Variants in NRG3 observed in about 807,000 individuals in gnomAD.
NRG3 encodes the protein neuregulin 3, also known as pro-neuregulin-3, membrane-bound isoform.
In NRG3, 31 loss-of-function variants were observed where a neutral mutation model predicts 66.9. The observed-to-expected ratio is 0.46, with a 90% CI of 0.35 to 0.63. The LOEUF (loss-of-function observed/expected upper bound fraction) is 0.63. Ranked by LOEUF, NRG3 falls within the 20% of genes least tolerant of loss-of-function variation. The pLI, the probability that NRG3 is intolerant of heterozygous loss-of-function variation, is 0.00. For missense variants in NRG3, 910 were observed against 878.9 expected, an observed-to-expected ratio of 1.04 and a Z score of -0.45; for synonymous variants, 393 against 359.4, an observed-to-expected ratio of 1.09 and a Z score of -1.06.
At chr10:82,273,270 C>T (rs1416697798) in intron 1 of NRG3, among the ~76,000 whole-genome samples, 1 of 151,938 alleles carries the variant, frequency 6.6e-6, no homozygotes, top group Non-Finnish European at 1.5e-5. Context: ...TGCTTAGTCA[C>T]ATTGAGCACA....
intron 2 of NRG3, among the ~76,000 whole-genome samples, chr10:82,392,408 G>C (rs1008353588): frequency 6.6e-6 from 1 of 152,128 alleles, no homozygotes; most frequent in African/African-American, 2.4e-5. Flanking sequence ...TGAAAGAAGG[G>C]TATGTAGGAA....
chr10:81,955,400 T>C (rs1849732832), intron 1 of NRG3, among the ~76,000 whole-genome samples: 2 of 152,010 alleles, frequency 1.3e-5, no homozygotes, highest in Non-Finnish European at 2.9e-5. Context: ...GGAGGCCAAG[T>C]TGTGCACCAC....
intron 1 of NRG3, among the ~76,000 whole-genome samples, chr10:82,214,577 T>A (rs1196924913): frequency 6.6e-6 from 1 of 152,158 alleles, no homozygotes; most frequent in African/African-American, 2.4e-5. Context: ...TGATCCTCAC[T>A]GTAGTCTCCC....
intron 2 of NRG3, among the ~76,000 whole-genome samples, chr10:82,605,186 G>A (rs915489682): frequency 1.3e-5 from 2 of 151,910 alleles, no homozygotes; most frequent in African/African-American, 4.8e-5. Flanking sequence ...TTTTTTTGTA[G>A]ATATTCTTTA....
At chr10:82,352,086 C>G (rs1230516124) in intron 1 of NRG3, among the ~76,000 whole-genome samples, 1 of 152,056 alleles carries the variant, frequency 6.6e-6, no homozygotes, top group Non-Finnish European at 1.5e-5. Context: ...AGTTAAAAGT[C>G]CATAATTTAG....
At chr10:82,781,895 A>T (rs2060131511) in intron 3 of NRG3, among the ~76,000 whole-genome samples, 1 of 152,116 alleles carries the variant, frequency 6.6e-6, no homozygotes. Context: ...ACCAAAAAAA[A>T]AATCCTGCAA....
chr10:82,826,929 C>T (rs2062242010), intron 3 of NRG3, among the ~76,000 whole-genome samples: 2 of 151,852 alleles, frequency 1.3e-5, no homozygotes, highest in South Asian at 4.2e-4. Context: ...AAAAAAAAAG[C>T]CACTAAAATA....
At chr10:81,913,424 T>C (rs1014450678) in intron 1 of NRG3, among the ~76,000 whole-genome samples, 5 of 151,394 alleles carry the variant, frequency 3.3e-5, no homozygotes, top group African/African-American at 4.9e-5. Context: ...AGGACTTTTT[T>C]CTTTTTTTTT....
At chr10:81,950,652 G>A (rs2133185306) in intron 1 of NRG3, among the ~76,000 whole-genome samples, 1 of 152,254 alleles carries the variant, frequency 6.6e-6, no homozygotes, top group East Asian at 1.9e-4. Flanking sequence ...TGTATCTATG[G>A]ATATCATCAG....
chr10:82,312,240 G>T (rs767903474), intron 1 of NRG3, among the ~76,000 whole-genome samples: 1 of 152,140 alleles, frequency 6.6e-6, no homozygotes, highest in African/African-American at 2.4e-5. Context: ...TAGAGGGAAG[G>T]CTTGATTTAC....
At chr10:81,926,284 CT>C (rs1186404720) in intron 1 of NRG3, among the ~76,000 whole-genome samples, 2 of 150,772 alleles carry the variant, frequency 1.3e-5, no homozygotes, top group Non-Finnish European at 3.0e-5. Context: ...TAGCCAGATA[CT>C]TTTTTTTTGT....
At chr10:82,087,210 T>C (rs997483037) in intron 1 of NRG3, among the ~76,000 whole-genome samples, 4 of 151,670 alleles carry the variant, frequency 2.6e-5, no homozygotes, top group Non-Finnish European at 5.9e-5. Flanking sequence ...TTGACAATTG[T>C]ATTAAGACTT....
At chr10:82,196,562 A>G (rs1589278512) in intron 1 of NRG3, among the ~76,000 whole-genome samples, 1 of 151,954 alleles carries the variant, frequency 6.6e-6, no homozygotes, top group East Asian at 1.9e-4. Context: ...AAAAAGATTT[A>G]GTCAACTATG....
intron 1 of NRG3, chr10:82,230,074 A>G (rs962157863): frequency 2.6e-5 from 4 of 152,212 alleles, no homozygotes; most frequent in Admixed American, 6.5e-5. Flanking sequence ...GAGAAAAAAA[A>G]TGTTTAAAGT....
At chr10:82,041,217 T>C (rs1002149832) in intron 1 of NRG3, among the ~76,000 whole-genome samples, 3 of 152,076 alleles carry the variant, frequency 2.0e-5, no homozygotes, top group African/African-American at 7.2e-5. Context: ...GGAGTCCTTA[T>C]GGCTTTCAGA....
chr10:82,818,652 T>C (rs1261587184), intron 3 of NRG3, among the ~76,000 whole-genome samples: 1 of 152,118 alleles, frequency 6.6e-6, no homozygotes, highest in Non-Finnish European at 1.5e-5. Context: ...CATAAATCTC[T>C]AAATTAAAAT....
chr10:82,252,951 A>G (rs1223951127), intron 1 of NRG3, among the ~76,000 whole-genome samples: 1 of 152,122 alleles, frequency 6.6e-6, no homozygotes, highest in Non-Finnish European at 1.5e-5. Flanking sequence ...CACCTTCGCT[A>G]CTGCAACTAC....
chr10:82,761,578 G>A (rs2059305186), intron 3 of NRG3, among the ~76,000 whole-genome samples: 1 of 151,936 alleles, frequency 6.6e-6, no homozygotes, highest in Non-Finnish European at 1.5e-5. Context: ...AGACTGAATT[G>A]CTACTTTTCA....
chr10:82,350,426 A>C (rs1002108875), intron 1 of NRG3, among the ~76,000 whole-genome samples: 2 of 152,182 alleles, frequency 1.3e-5, no homozygotes, highest in African/African-American at 4.8e-5. Context: ...CTAGTTTGAG[A>C]AGAGTATGGA....
Sources: gnomAD v4.1 joint callset for allele counts (sites outside exome capture counted in the v4.1 genomes callset) on GRCh38, gnomAD v4.1.1 for gene constraint, MANE v1.5 for transcripts, NCBI Gene and HGNC (gene_info 2026-07-23, HGNC 2026-07-21) for gene names.